The following LRP5 variants were observed in gnomAD, a reference collection of about 807,000 sequenced individuals.
LRP5 encodes the protein LDL receptor related protein 5.
Under a neutral mutation model 154.1 loss-of-function variants are expected in LRP5, and 62 were observed. The ratio of observed to expected loss-of-function variants is 0.40; its 90% CI spans 0.33 to 0.50. The LOEUF (loss-of-function observed/expected upper bound fraction) is 0.50, where lower values mean the gene tolerates loss of function less well. Among genes scored for constraint, LRP5 ranks in the 20% least tolerant of loss-of-function variants. LRP5 has a pLI of 0.55. For synonymous variants in LRP5, 966 were observed against 1,011.5 expected (o/e 0.96, Z 0.85); for missense variants, 1,915 against 2,336.7 (o/e 0.82, Z 3.72).
At chr11:68,376,414 C>T (rs990368573) in intron 5 of LRP5, among the ~76,000 whole-genome samples, 3 of 152,064 alleles carry the variant, frequency 2.0e-5, no homozygotes, top group Non-Finnish European at 4.4e-5. Flanking sequence ...ATCTCCTGAC[C>T]ATCTCGTGAT....
At chr11:68,327,879 C>T (rs1474849467) in intron 1 of LRP5, among the ~76,000 whole-genome samples, 1 of 152,176 alleles carries the variant, frequency 6.6e-6, no homozygotes, top group Non-Finnish European at 1.5e-5. Context: ...AAGAGTTCAC[C>T]CAGGGCCTGC....
the LRP5 span, among the ~76,000 whole-genome samples, chr11:68,302,125 G>A: frequency 6.6e-6 from 1 of 151,336 alleles, no homozygotes; most frequent in African/African-American, 2.4e-5. Context: ...GGGAGGCCAA[G>A]GCGGGCAGAT....
chr11:68,433,359 G>A (rs2098673002), intron 17 of LRP5, among the ~76,000 whole-genome samples: 2 of 152,310 alleles, frequency 1.3e-5, no homozygotes, highest in African/African-American at 2.4e-5. Context: ...AAAAACATAC[G>A]GATGCATGTC....
chr11:68,333,659 C>T (rs529569244), intron 1 of LRP5, among the ~76,000 whole-genome samples: 15 of 152,180 alleles, frequency 9.9e-5, no homozygotes, highest in African/African-American at 2.4e-4. Flanking sequence ...TTGCAGACTC[C>T]GTTATAGTCA....
chr11:68,389,896 A>C lies in LRP5; in HGVS notation c.1428A>C (p.Thr476=), dbSNP rs769905219. The change falls in exon 7 of 23, where the codon ACA becomes ACC. Residue 476 remains threonine, a synonymous_variant. Coordinates refer to ENST00000294304, the MANE Select transcript of LRP5 (RefSeq NM_002335.4). ...LHPVMGLMYW[T]DWGENPKIEC... ...TCTTCTCCAGCCTCATGTACTGGAC[A>C]GACTGGGGAGAGAACCCTAAAATCG... The C allele has an allele frequency of 6.2e-7, 1 of 1,614,256 alleles. No homozygotes were observed. Among genetic ancestry groups the C allele is most frequent in the Non-Finnish European group, 8.5e-7 (1 of 1,180,038 alleles).
chr11:68,438,407 G>A (rs1311133774), intron 19 of LRP5, 39 bp from the exon 20 acceptor site: 4 of 1,579,020 alleles, frequency 2.5e-6, no homozygotes, highest in Non-Finnish European at 3.5e-6. Flanking sequence ...ATTCCGTTGG[G>A]GTTAATGTTG....
At chr11:68,394,010 C>T (rs1428037444) in intron 7 of LRP5, among the ~76,000 whole-genome samples, 1 of 152,114 alleles carries the variant, frequency 6.6e-6, no homozygotes, top group Admixed American at 6.5e-5. Flanking sequence ...ACACAGCGAG[C>T]AGGGGGTCTC....
At chr11:68,355,063 G>T (rs2098622034) in intron 2 of LRP5, among the ~76,000 whole-genome samples, 1 of 152,200 alleles carries the variant, frequency 6.6e-6, no homozygotes, top group Non-Finnish European at 1.5e-5. Flanking sequence ...GGTGGAGATG[G>T]TACTCGCTCA....
Position 68,425,163 on chromosome 11 carries a change from G to C in LRP5, c.3298G>C (p.Gly1100Arg). Residue 1100 changes from glycine (G) to arginine (R), a missense_variant, in exon 15 of 23, where the codon GGC (glycine) becomes CGC (arginine). This residue lies in a region of LRP5 where 1,094 missense variants were observed against 1,210.1 expected (regional missense o/e 0.90). Coordinates refer to ENST00000294304, the MANE Select transcript of LRP5 (RefSeq NM_002335.4). Reference sequence around the variant, plus strand: ...CAAGATCGAACGCGCAGCCCTGGACGGCACCGAGCGCGAGGTCCTCTTCAC... The same window carrying C: ...CAAGATCGAACGCGCAGCCCTGGACCGCACCGAGCGCGAGGTCCTCTTCAC... ...AAKIERAALD[G>R]TEREVLFTTG... 6.2e-7 allele frequency: 1 copy of C among 1,613,730 alleles called. No homozygotes were observed.
intron 13 of LRP5, among the ~76,000 whole-genome samples, chr11:68,422,949 G>T (rs543501310): frequency 5.9e-5 from 9 of 152,166 alleles, no homozygotes; most frequent in Admixed American, 3.3e-4. Flanking sequence ...TGGGGAAGGG[G>T]TTGTAAGGGG....
Position 68,413,099 on chromosome 11 carries a change from AC to A in LRP5, c.2504-587del, listed in dbSNP as rs2153167800. Reference sequence around the variant, plus strand: ...ACCCAGCTCTGCAGCACATCCCGTGACCCAGCTCATCCAGGCCGCATGCAAA... The same window carrying A: ...ACCCAGCTCTGCAGCACATCCCGTGACCAGCTCATCCAGGCCGCATGCAAA... On this transcript the variant is annotated intron_variant, in intron 11 of 22. Transcript: ENST00000294304. This position sits in a 1 kb window ranked among gnomAD's most constrained non-coding sequence, Gnocchi z 5.1. 1 of 195,814 alleles carries A rather than the reference AC, an allele frequency of 5.1e-6. No homozygotes were observed. Among genetic ancestry groups the A allele is most frequent in the South Asian group, 1.7e-4 (1 of 5,804 alleles). 12.1% of individuals were successfully genotyped at this position (195,814 alleles called of 1,614,324 possible).
chr11:68,341,983 C>T (rs1312739723), intron 1 of LRP5, among the ~76,000 whole-genome samples: 1 of 152,016 alleles, frequency 6.6e-6, no homozygotes, highest in Non-Finnish European at 1.5e-5. Context: ...GAGTGAGTGC[C>T]CATGGCCAGC....
intron 5 of LRP5, among the ~76,000 whole-genome samples, chr11:68,376,826 T>C (rs1003541575): frequency 3.3e-5 from 5 of 152,222 alleles, no homozygotes; most frequent in Non-Finnish European, 7.3e-5. Flanking sequence ...TTCTTTTTCA[T>C]TTAAGTCACC....
chr11:68,378,349 C>T (rs1292525466), intron 5 of LRP5, among the ~76,000 whole-genome samples: 1 of 152,108 alleles, frequency 6.6e-6, no homozygotes, highest in Non-Finnish European at 1.5e-5. Flanking sequence ...CAGGTGGCTT[C>T]TTTCGCCCCA....
intron 5 of LRP5, among the ~76,000 whole-genome samples, chr11:68,383,876 C>T (rs2098641563): frequency 1.3e-5 from 2 of 152,188 alleles, no homozygotes; most frequent in South Asian, 4.1e-4. Flanking sequence ...GGTCCATTGT[C>T]AACAGAACAT....
chr11:68,353,991 G>C lies in LRP5; in HGVS notation c.489-3659G>C, dbSNP rs1163322969. On this transcript the variant is annotated intron_variant, in intron 2 of 22. Transcript: ENST00000294304. This position sits in a 1 kb window ranked among gnomAD's most constrained non-coding sequence, Gnocchi z 4.5. ...CTCTGGGGATGACCCTCTGGCCCCT[G>C]AGGATCTGGGGCCAGAAAGACACTG... 6.6e-6 allele frequency among the ~76,000 whole-genome samples: 1 copy of C among 152,182 alleles called. No homozygotes were observed. Among genetic ancestry groups the C allele is most frequent in the Non-Finnish European group, 1.5e-5 (1 of 68,042 alleles).
At position 68,423,501 on chromosome 11, in the gene LRP5, A is replaced by C. The variant is rs1322840730; in HGVS notation, c.3040A>C (p.Thr1014Pro). 1.2e-6 allele frequency: 2 copies of C among 1,613,274 alleles called. No individual in the cohort carries two copies. The highest frequency in any genetic ancestry group is 1.7e-6 in the Non-Finnish European group (2 of 1,179,830). Residue 1014 changes from threonine (T) to proline (P), a missense_variant, in exon 14 of 23, where the codon ACC (threonine) becomes CCC (proline). Thr to Pro is a conservative substitution (Grantham distance 38, BLOSUM62 -1). Transcript: ENST00000294304. This position sits in a 1 kb window ranked among gnomAD's most constrained non-coding sequence, Gnocchi z 4.7. ...KDDGTQPFVLTSLSQGQNPDR... is the reference protein window; with the variant it reads ...KDDGTQPFVLPSLSQGQNPDR... Reference sequence around the variant, plus strand: ...CTTTGTCTTACAGCCCTTTGTTTTGACCTCTCTGAGCCAAGGCCAAAACCC... The same window carrying C: ...CTTTGTCTTACAGCCCTTTGTTTTGCCCTCTCTGAGCCAAGGCCAAAACCC...
chr11:68,398,268 G>A (rs963228213), intron 7 of LRP5, among the ~76,000 whole-genome samples: 2 of 152,210 alleles, frequency 1.3e-5, no homozygotes, highest in Non-Finnish European at 2.9e-5. Context: ...CCTGCAGGAC[G>A]GCAGCAGCCC....
At chr11:68,359,936 G>A (rs377552824) in intron 3 of LRP5, among the ~76,000 whole-genome samples, 31 of 151,998 alleles carry the variant, frequency 2.0e-4, no homozygotes, top group African/African-American at 6.3e-4. Context: ...ACAGGTGCCC[G>A]CCACCACGCC....
Sources: allele counts gnomAD v4.1 joint callset (sites outside exome capture counted in the v4.1 genomes callset), GRCh38; gene constraint gnomAD v4.1.1; regional missense constraint gnomAD v4.1.1; non-coding constraint Gnocchi (gnomAD v3.1); transcripts MANE v1.5; gene names NCBI Gene and HGNC (gene_info 2026-07-23, HGNC 2026-07-21).